The following SEL1L2 variants were observed in gnomAD, a reference collection of about 807,000 sequenced individuals.
SEL1L2 encodes the protein SEL1L2 adaptor subunit of SYVN1 ubiquitin ligase, also known as protein sel-1 homolog 2.
In SEL1L2, 89 loss-of-function variants were observed where a neutral mutation model predicts 98.8. That is an observed-to-expected ratio of 0.90 (90% confidence interval 0.76 to 1.07). The LOEUF (loss-of-function observed/expected upper bound fraction) is 1.07. Among genes scored for constraint, SEL1L2 ranks in the 50% least tolerant of loss-of-function variants. The pLI is 0.00. For missense variants in SEL1L2, 788 were observed against 812.0 expected, an observed-to-expected ratio of 0.97 and a Z score of 0.36; for synonymous variants, 262 against 278.5, an observed-to-expected ratio of 0.94 and a Z score of 0.59.
intron 2 of SEL1L2, among the ~76,000 whole-genome samples, chr20:13,949,933 C>T (rs987365685): frequency 6.6e-6 from 1 of 151,816 alleles, no homozygotes; most frequent in Non-Finnish European, 1.5e-5. Context: ...TTTGCAATAG[C>T]CAAAATGTGT....
intron 18 of SEL1L2, among the ~76,000 whole-genome samples, chr20:13,855,788 A>G (rs1403987979): frequency 7.2e-5 from 11 of 152,210 alleles, no homozygotes. Flanking sequence ...GACACCCTTC[A>G]CTTTCACTTC....
intron 18 of SEL1L2, among the ~76,000 whole-genome samples, chr20:13,857,892 T>C (rs2147752833): frequency 6.6e-6 from 1 of 152,336 alleles, no homozygotes; most frequent in South Asian, 2.1e-4. Flanking sequence ...GCAGGGCAGA[T>C]ATCTGTTTTA....
intron 3 of SEL1L2, among the ~76,000 whole-genome samples, chr20:13,921,895 T>G (rs985120452): frequency 6.6e-6 from 1 of 152,098 alleles, no homozygotes. Flanking sequence ...GGAAGATTAT[T>G]TAACCTCTCA....
chr20:13,868,841 G>A (rs192631821), intron 14 of SEL1L2, among the ~76,000 whole-genome samples: 3 of 151,962 alleles, frequency 2.0e-5, no homozygotes, highest in Admixed American at 1.3e-4. Context: ...TTCGTGATCC[G>A]CCCGCCTCGG....
At chr20:13,931,045 T>G (rs62207702) in intron 3 of SEL1L2, among the ~76,000 whole-genome samples, 5 of 92,850 alleles carry the variant, frequency 5.4e-5, no homozygotes, top group Non-Finnish European at 9.2e-5. Flanking sequence ...GACAGGAGTA[T>G]CTATTTTTTT....
intron 2 of SEL1L2, among the ~76,000 whole-genome samples, chr20:13,947,269 C>T (rs1209482779): frequency 3.3e-5 from 5 of 152,200 alleles, no homozygotes; most frequent in South Asian, 2.1e-4. Context: ...AGCTAGACTC[C>T]GGCAGACATC....
intron 12 of SEL1L2, among the ~76,000 whole-genome samples, chr20:13,875,769 A>AGCTGAACTTCTGTCTG (rs560273042): frequency 6.6e-6 from 1 of 152,166 alleles, no homozygotes; most frequent in African/African-American, 2.4e-5. Context: ...GAGAGGGGAA[A>AGCTGAACTTCTGTCTG]GCTGAACTTC....
At chr20:13,916,527 T>C (rs2048409710) in intron 4 of SEL1L2, among the ~76,000 whole-genome samples, 1 of 152,132 alleles carries the variant, frequency 6.6e-6, no homozygotes, top group East Asian at 1.9e-4. Context: ...GTCAGGAGGC[T>C]GGGCGTGGTG....
chr20:13,964,251 A>T (rs2050923199), intron 1 of SEL1L2, among the ~76,000 whole-genome samples: 6 of 152,016 alleles, frequency 3.9e-5, no homozygotes, highest in Admixed American at 3.9e-4. Context: ...ATTTTGTCAA[A>T]TATATCTTTA....
intron 1 of SEL1L2, among the ~76,000 whole-genome samples, chr20:13,966,005 A>G (rs1178920939): frequency 1.3e-5 from 2 of 152,028 alleles, no homozygotes; most frequent in African/African-American, 4.8e-5. Context: ...TAAGAGATAC[A>G]ATAATAAAGA....
intron 5 of SEL1L2, among the ~76,000 whole-genome samples, chr20:13,906,441 A>T (rs2047933005): frequency 1.3e-5 from 2 of 152,188 alleles, no homozygotes; most frequent in South Asian, 4.1e-4. Context: ...ACCTGTGATC[A>T]TTACTTTTAG....
At chr20:13,989,574 T>TC (rs2052436551) in intron 1 of SEL1L2, among the ~76,000 whole-genome samples, 1 of 152,236 alleles carries the variant, frequency 6.6e-6, no homozygotes. Context: ...AGTCAGTCTT[T>TC]CACCATTAAA....
chr20:13,916,740 AG>A (rs2048421264), intron 4 of SEL1L2, among the ~76,000 whole-genome samples: 1 of 152,112 alleles, frequency 6.6e-6, no homozygotes, highest in African/African-American at 2.4e-5. Flanking sequence ...GGGGAGGTGG[AG>A]GCTGCAGTGA....
intron 5 of SEL1L2, among the ~76,000 whole-genome samples, chr20:13,913,181 A>G (rs2148186835): frequency 6.6e-6 from 1 of 152,348 alleles, no homozygotes; most frequent in East Asian, 1.9e-4. Flanking sequence ...TAATCAGAAA[A>G]AAATGGTTTT....
chr20:13,883,053 C>A (rs916071704), intron 10 of SEL1L2, among the ~76,000 whole-genome samples: 2 of 152,174 alleles, frequency 1.3e-5, no homozygotes. Context: ...ATCTCCTGAC[C>A]TCGTGATCCG....
At chr20:13,876,255 A>G in intron 11 of SEL1L2, 140 bp from the exon 12 acceptor site, 3 of 638,550 alleles carry the variant, frequency 4.7e-6, no homozygotes, top group Non-Finnish European at 5.6e-6. Flanking sequence ...TGAATTGTAT[A>G]AAGTGGTCAA....
At chr20:13,896,619 GA>G (rs1203270204) in intron 5 of SEL1L2, among the ~76,000 whole-genome samples, 4 of 148,506 alleles carry the variant, frequency 2.7e-5, no homozygotes, top group African/African-American at 1.0e-4. Context: ...GAATAATTAA[GA>G]AAAAAATCCA....
intron 5 of SEL1L2, among the ~76,000 whole-genome samples, chr20:13,899,202 C>T (rs2047559208): frequency 6.6e-6 from 1 of 152,012 alleles, no homozygotes; most frequent in African/African-American, 2.4e-5. Flanking sequence ...TTTCCTTTTA[C>T]TTTATTGGGT....
intron 10 of SEL1L2, among the ~76,000 whole-genome samples, chr20:13,882,024 A>G (rs2046723602): frequency 6.6e-6 from 1 of 152,234 alleles, no homozygotes; most frequent in Admixed American, 6.5e-5. Flanking sequence ...ATTTGCATAC[A>G]TATGTATATA....
Sources: allele counts gnomAD v4.1 joint callset (sites outside exome capture counted in the v4.1 genomes callset), GRCh38; gene constraint gnomAD v4.1.1; transcripts MANE v1.5; gene names NCBI Gene and HGNC (gene_info 2026-07-23, HGNC 2026-07-21).